The following TARS3 variants were observed in gnomAD, a reference collection of about 807,000 sequenced individuals.
TARS3 encodes threonine--tRNA ligase 2, cytoplasmic.
Under a neutral mutation model 103.5 loss-of-function variants are expected in TARS3, and 94 were observed. The ratio of observed to expected loss-of-function variants is 0.91; its 90% confidence interval spans 0.77 to 1.08. The LOEUF is 1.08. TARS3 is among the 50% of genes least tolerant of loss of function. The pLI, the probability that TARS3 is intolerant of heterozygous loss-of-function variation, is 0.00. For missense variants in TARS3, 952 were observed against 995.2 expected, an observed-to-expected ratio of 0.96 and a Z score of 0.58; for synonymous variants, 416 against 355.4, an observed-to-expected ratio of 1.17 and a Z score of -1.92.
At chr15:101,668,786 T>C (rs558869294) in intron 15 of TARS3, among the ~76,000 whole-genome samples, 2 of 152,298 alleles carry the variant, frequency 1.3e-5, no homozygotes, top group South Asian at 4.1e-4. Context: ...ATAATGGAGC[T>C]AAAAATCTTC....
chr15:101,705,411 C>A (rs1426570596), intron 7 of TARS3, among the ~76,000 whole-genome samples: 1 of 152,210 alleles, frequency 6.6e-6, no homozygotes, highest in Non-Finnish European at 1.5e-5. Context: ...AGAATAGAAA[C>A]TCCTTTCCCA....
At chr15:101,666,017 G>A (rs894786108) in intron 15 of TARS3, among the ~76,000 whole-genome samples, 2 of 152,066 alleles carry the variant, frequency 1.3e-5, no homozygotes, top group African/African-American at 2.4e-5. Context: ...AATTCATTTC[G>A]AGATCCTCAC....
Position 101,685,927 on chromosome 15 carries a change from CA to C in TARS3, c.1455del (p.Phe485LeufsTer6), listed in dbSNP as rs1361122385. On this transcript the variant is annotated frameshift_variant, in exon 11 of 19. Coordinates refer to ENST00000335968, the MANE Select transcript of TARS3 (RefSeq NM_152334.3). LOFTEE classifies it high-confidence loss of function. Reference protein sequence around the residue: ...MFTFEIEKDTFALKPMNCPGH... With the variant: ...MFTFEIEKDTXALKPMNCPGH... ...CCTGGACAATTCATGGGTTTGAGGG[CA>C]AAAGTGTCCTTTTCAATCTCAAAGG... is the stretch of plus-strand genomic sequence containing the variant. The C allele has an allele frequency of 1.2e-6, 2 of 1,613,824 alleles. No individual in the cohort carries two copies. Among genetic ancestry groups the C allele is most frequent in the African/African-American group, 1.3e-5 (1 of 74,904 alleles).
chr15:101,657,056 C>A lies in TARS3; in HGVS notation c.2146-20G>T. On this transcript the variant is annotated intron_variant, in intron 17 of 18. Coordinates refer to ENST00000335968, the MANE Select transcript of TARS3 (RefSeq NM_152334.3). ...GGATACCTAGAAGAAAATGAAACAC[C>A]TTTACTGTTACATTATGGTACCTAG... The A allele has an allele frequency of 6.7e-7, 1 of 1,486,802 alleles. No homozygotes were observed. Among genetic ancestry groups the A allele is most frequent in the Non-Finnish European group, 9.4e-7 (1 of 1,066,904 alleles). The allele number at this position is 1,486,802 out of a possible 1,614,324, so 92.1% of individuals were successfully genotyped here.
intron 9 of TARS3, among the ~76,000 whole-genome samples, chr15:101,701,740 T>C (rs989770118): frequency 6.6e-6 from 1 of 152,168 alleles, no homozygotes; most frequent in Admixed American, 6.5e-5. Context: ...GTCTCCCAGA[T>C]ACAAAGGATG....
chr15:101,680,620 C>A (rs1275653139), intron 12 of TARS3, among the ~76,000 whole-genome samples: 2 of 152,150 alleles, frequency 1.3e-5, no homozygotes, highest in Non-Finnish European at 2.9e-5. Flanking sequence ...TTCCCCAAAG[C>A]AGGTCTTTTT....
chr15:101,656,867 G>T, intron 18 of TARS3, 55 bp downstream of exon 18: 2 of 1,062,894 alleles, frequency 1.9e-6, no homozygotes, highest in Non-Finnish European at 2.8e-6. Flanking sequence ...TTGGTCTTTT[G>T]GAATTGAAGT....
intron 10 of TARS3, among the ~76,000 whole-genome samples, chr15:101,700,198 G>A (rs1899191221): frequency 6.6e-6 from 1 of 152,180 alleles, no homozygotes; most frequent in Non-Finnish European, 1.5e-5. Context: ...AACAGTGCAA[G>A]CATGGAAATG....
intron 12 of TARS3, among the ~76,000 whole-genome samples, chr15:101,679,871 C>T (rs563089738): frequency 6.6e-6 from 1 of 152,278 alleles, no homozygotes; most frequent in South Asian, 2.1e-4. Flanking sequence ...GAGAGGAGCT[C>T]CTCGTTACTT....
chr15:101,723,211 A>T (rs555555258), intron 1 of TARS3, 47 bp from the exon 2 acceptor site: 2 of 1,549,016 alleles, frequency 1.3e-6, no homozygotes, highest in African/African-American at 2.7e-5. Context: ...AAGAAAAAGC[A>T]ACACATTTTA....
intron 15 of TARS3, 31 bp from the exon 16 acceptor site, chr15:101,661,847 T>C (rs764296699): frequency 3.7e-6 from 5 of 1,348,988 alleles, no homozygotes; most frequent in Admixed American, 4.4e-5. Context: ...ATTTAAGTCT[T>C]TTCCTAAGAT....
At chr15:101,671,021 A>C (rs1300281224) in intron 15 of TARS3, among the ~76,000 whole-genome samples, 2 of 152,182 alleles carry the variant, frequency 1.3e-5, no homozygotes, top group African/African-American at 4.8e-5. Flanking sequence ...GCAGCACAAG[A>C]GAACAACAGA....
intron 10 of TARS3, among the ~76,000 whole-genome samples, chr15:101,694,147 A>G (rs1370133883): frequency 6.6e-6 from 1 of 152,246 alleles, no homozygotes; most frequent in African/African-American, 2.4e-5. Context: ...AGTTGTCCAC[A>G]CAGTCAGTAA....
At chr15:101,675,471 T>C (rs1318400028) in intron 13 of TARS3, 129 bp downstream of exon 13, 1 of 814,616 alleles carries the variant, frequency 1.2e-6, no homozygotes, top group Admixed American at 2.5e-5. Flanking sequence ...ACAACCTATA[T>C]ATCTATCTCA....
intron 10 of TARS3, among the ~76,000 whole-genome samples, chr15:101,695,507 G>T (rs190888620): frequency 6.6e-6 from 1 of 152,290 alleles, no homozygotes; most frequent in East Asian, 1.9e-4. Flanking sequence ...GCTGAATCTG[G>T]GGTTGTTTCT....
chr15:101,715,052 T>G, intron 3 of TARS3, 89 bp from the exon 4 acceptor site: 1 of 1,337,660 alleles, frequency 7.5e-7, no homozygotes, highest in Admixed American at 2.5e-5. Flanking sequence ...GGTTTTTTTT[T>G]TTTGAAGTGT....
chr15:101,674,394 C>T (rs551635663), intron 13 of TARS3, among the ~76,000 whole-genome samples: 1 of 152,162 alleles, frequency 6.6e-6, no homozygotes, highest in Admixed American at 6.5e-5. Context: ...TTGCTAAGAG[C>T]TATGGTTAAA....
chr15:101,676,526 T>C (rs1898031827), intron 12 of TARS3, among the ~76,000 whole-genome samples: 1 of 152,184 alleles, frequency 6.6e-6, no homozygotes, highest in Admixed American at 6.5e-5. Flanking sequence ...TTTGAGACAG[T>C]CTTGCTCTGT....
intron 6 of TARS3, among the ~76,000 whole-genome samples, chr15:101,707,982 G>A (rs751151556): frequency 3.9e-5 from 6 of 152,124 alleles, no homozygotes; most frequent in African/African-American, 1.4e-4. Context: ...GGTGGCTCAC[G>A]CCTGTAATCC....
Sources: allele counts gnomAD v4.1 joint callset (sites outside exome capture counted in the v4.1 genomes callset), GRCh38; gene constraint gnomAD v4.1.1; transcripts MANE v1.5; gene names NCBI Gene and HGNC (gene_info 2026-07-23, HGNC 2026-07-21).